Variants in TOP2A observed in about 807,000 individuals in gnomAD.
TOP2A encodes DNA topoisomerase 2-alpha.
In TOP2A, 68 loss-of-function variants were observed where a neutral mutation model predicts 187.2. The observed-to-expected ratio is 0.36, with a 90% CI of 0.30 to 0.44. The LOEUF (loss-of-function observed/expected upper bound fraction) is 0.44, where lower values mean the gene tolerates loss of function less well. Among genes scored for constraint, TOP2A ranks in the 20% least tolerant of loss-of-function variants. The pLI is 1.00. For missense variants in TOP2A, 1,196 were observed against 1,808.7 expected, an observed-to-expected ratio of 0.66 and a Z score of 6.14; for synonymous variants, 542 against 593.2, an observed-to-expected ratio of 0.91 and a Z score of 1.25.
At chr17:40,417,289 T>A (rs2035403126) in intron 1 of TOP2A, among the ~76,000 whole-genome samples, 1 of 152,152 alleles carries the variant, frequency 6.6e-6, no homozygotes, top group Non-Finnish European at 1.5e-5. Context: ...AGCAGCAGTT[T>A]GGGCGGCTAT....
At chr17:40,399,180 G>A (rs1349552965) in intron 24 of TOP2A, 49 bp from the exon 25 acceptor site, 2 of 1,304,974 alleles carry the variant, frequency 1.5e-6, no homozygotes, top group African/African-American at 1.5e-5. Flanking sequence ...TAATATTTTA[G>A]GAAGGGGATA....
intron 30 of TOP2A, 52 bp downstream of exon 30, chr17:40,392,533 T>A: frequency 6.4e-7 from 1 of 1,562,174 alleles, no homozygotes; most frequent in Non-Finnish European, 8.7e-7. Flanking sequence ...CTGAAGTATA[T>A]TGGCCATTCC....
At position 40,416,409 on chromosome 17, in the gene TOP2A, A is replaced by C. The variant is rs2035391248; in HGVS notation, c.268+13T>G. On this transcript the variant is annotated intron_variant, in intron 3 of 34. Coordinates refer to ENST00000423485, the MANE Select transcript of TOP2A (RefSeq NM_001067.4). ...AGATTTGACCAGATCTTTATATTAAAGGATTTACTCACCTAGAATCTCATC... is the reference window on the plus strand; with the variant it reads ...AGATTTGACCAGATCTTTATATTAACGGATTTACTCACCTAGAATCTCATC... 1 of 1,499,918 alleles carries C rather than the reference A, an allele frequency of 6.7e-7. No individual in the cohort carries two copies. Among genetic ancestry groups the C allele is most frequent in the East Asian group, 2.3e-5 (1 of 43,216 alleles). 92.9% of individuals were successfully genotyped at this position (1,499,918 alleles called of 1,614,324 possible). A position where few individuals can be genotyped will look rare whatever the true frequency, so the allele number is the denominator to read the frequency against.
chr17:40,394,435 C>G (rs921299090), intron 29 of TOP2A, among the ~76,000 whole-genome samples: 12 of 152,134 alleles, frequency 7.9e-5, no homozygotes, highest in African/African-American at 2.9e-4. Context: ...TGGGTTCAAG[C>G]GACACTCGTG....
intron 20 of TOP2A, among the ~76,000 whole-genome samples, 174 bp downstream of exon 20, chr17:40,402,732 T>C (rs1359877682): frequency 6.6e-6 from 1 of 152,226 alleles, no homozygotes; most frequent in Non-Finnish European, 1.5e-5. Flanking sequence ...AATTGACATG[T>C]TGCACTGGAT....
At chr17:40,395,140 A>T (rs1404742731) in intron 29 of TOP2A, among the ~76,000 whole-genome samples, 1 of 152,018 alleles carries the variant, frequency 6.6e-6, no homozygotes, top group Non-Finnish European at 1.5e-5. Context: ...AAAAGCAGCC[A>T]GGCGTGGTGG....
intron 20 of TOP2A, among the ~76,000 whole-genome samples, chr17:40,401,665 C>T (rs1370111305): frequency 3.9e-5 from 6 of 151,948 alleles, no homozygotes; most frequent in African/African-American, 9.7e-5. Context: ...GCCGAAATTG[C>T]GCCACTGCAC....
chr17:40,413,731 G>T, intron 4 of TOP2A, 106 bp from the exon 5 acceptor site: 1 of 578,536 alleles, frequency 1.7e-6, no homozygotes, highest in Non-Finnish European at 2.7e-6. Context: ...TATTCAGGCT[G>T]GGCGCGGTGG....
chr17:40,415,548 A>G (rs967204991), intron 4 of TOP2A, among the ~76,000 whole-genome samples: 2 of 152,244 alleles, frequency 1.3e-5, no homozygotes, highest in African/African-American at 4.8e-5. Context: ...CTGTTTGAAT[A>G]GCATCATGAG....
At chr17:40,408,424 G>T in intron 11 of TOP2A, 68 bp downstream of exon 11, 1 of 1,427,630 alleles carries the variant, frequency 7.0e-7, no homozygotes, top group Non-Finnish European at 9.5e-7. Context: ...AATATCCGTG[G>T]TATGCCATTA....
At chr17:40,391,979 A>T in intron 32 of TOP2A, 89 bp downstream of exon 32, 1 of 1,363,942 alleles carries the variant, frequency 7.3e-7, no homozygotes, top group Non-Finnish European at 1.0e-6. Context: ...CAAAGGAAGT[A>T]CTTGGATAAT....
At chr17:40,416,276 G>A (rs2143695530) in intron 3 of TOP2A, 146 bp downstream of exon 3, 1 of 711,482 alleles carries the variant, frequency 1.4e-6, no homozygotes. Context: ...TTTATCAACT[G>A]ATTGAAATGA....
In TOP2A at chr17:40,395,509, C is replaced by G. The variant is rs746880959; in HGVS notation, c.3751G>C (p.Asp1251His). 7 of 1,612,002 alleles carry G rather than the reference C, an allele frequency of 4.3e-6. No individual in the cohort carries two copies. The highest frequency in any genetic ancestry group is 5.1e-6 in the Non-Finnish European group (6 of 1,178,800). The change falls in exon 29 of 35, where the codon GAT becomes CAT. Residue 1251 changes from aspartate to histidine, a missense_variant. Asp to His is a moderately conservative substitution (Grantham distance 81, BLOSUM62 -1). This residue lies in a region of TOP2A where 374 missense variants were observed against 403.3 expected (regional missense o/e 0.93). Coordinates refer to ENST00000423485, the MANE Select transcript of TOP2A (RefSeq NM_001067.4). ...TTTAGGCCTTCTAGTTCCACACCAT[C>G]TTCTTGAGGGCTTCCTTCAGTATTT... is the stretch of plus-strand genomic sequence containing the variant. Reference protein sequence around the residue: ...NENTEGSPQEDGVELEGLKQR... With the variant: ...NENTEGSPQEHGVELEGLKQR...
Position 40,404,632 on chromosome 17 carries a change from TTA to T in TOP2A, c.2047-143_2047-142del, listed in dbSNP as rs1018678468. ...AAATATTGAATAATACAGAAATATTTTATATGTTTTAAAGATAAAGCAAATTT... is the reference window on the plus strand; with the variant it reads ...AAATATTGAATAATACAGAAATATTTTATGTTTTAAAGATAAAGCAAATTT... On this transcript the variant is annotated intron_variant, in intron 17 of 34. Coordinates refer to ENST00000423485, the MANE Select transcript of TOP2A (RefSeq NM_001067.4). The T allele has an allele frequency of 1.3e-4, 93 of 714,380 alleles. No homozygotes were observed. The East Asian group carries it at 1.9e-3, about 15-fold the overall frequency. 44.3% of individuals were successfully genotyped at this position (714,380 alleles called of 1,614,324 possible). A position where few individuals can be genotyped will look rare whatever the true frequency, so the allele number is the denominator to read the frequency against.
In TOP2A at chr17:40,389,351, T is replaced by C. The variant is rs756079860; in HGVS notation, c.*168A>G. 3.5e-5 allele frequency: 23 copies of C among 654,454 alleles called. No individual in the cohort carries two copies. The highest frequency in any genetic ancestry group is 4.5e-4 in the Middle Eastern group (1 of 2,238). The allele number at this position is 654,454 out of a possible 1,614,324, so 40.5% of individuals were successfully genotyped here. A position where few individuals can be genotyped will look rare whatever the true frequency, so the allele number is the denominator to read the frequency against. On this transcript the variant is annotated 3_prime_UTR_variant, in exon 35 of 35. Transcript: ENST00000423485. ...CATGAGATGGTCACTATTTAGACAG[T>C]ATTATAAAAAGCTAAAGAACACTTG...
In TOP2A at chr17:40,409,736, C is replaced by T. The variant is rs537247007; in HGVS notation, c.1204-1106G>A. 2.7e-3 allele frequency: 534 copies of T among 195,472 alleles called. 2 individuals are homozygous for T. Among genetic ancestry groups the T allele is most frequent in the Non-Finnish European group, 4.5e-3 (433 of 95,546 alleles). The allele number at this position is 195,472 out of a possible 1,614,324, so 12.1% of individuals were successfully genotyped here. On this transcript the variant is annotated intron_variant, in intron 10 of 34. Coordinates refer to ENST00000423485, the MANE Select transcript of TOP2A (RefSeq NM_001067.4). ...CAGAGATTGCAATGAGCCAGGATTA[C>T]GTCACTGCACTGTAGCCTGGGCAAC...
chr17:40,395,670 C>A, intron 28 of TOP2A, 131 bp from the exon 29 acceptor site: 1 of 532,798 alleles, frequency 1.9e-6, no homozygotes. Flanking sequence ...CCGTGGTGGG[C>A]AGATCTCTTG....
At position 40,412,967 on chromosome 17, in the gene TOP2A, C is replaced by T. The variant is rs2035341946; in HGVS notation, c.581G>A (p.Trp194Ter). Reference sequence around the variant, plus strand: ...ACCAGCTCTTCCCATATTATCCATCCATGTCTATGGAAGTAAAGAATAGGA... The same window carrying T: ...ACCAGCTCTTCCCATATTATCCATCTATGTCTATGGAAGTAAAGAATAGGA... ...REYKKMFKQT[W>*]MDNMGRAGEM... The change falls in exon 7 of 35, where the codon TGG becomes TAG. Residue 194 changes from tryptophan (W) to a stop codon, truncating the protein, a stop_gained. Coordinates refer to ENST00000423485, the MANE Select transcript of TOP2A (RefSeq NM_001067.4). LOFTEE classifies it high-confidence loss of function. The T allele has an allele frequency of 6.2e-7, 1 of 1,610,410 alleles. No homozygotes were observed. The highest frequency in any genetic ancestry group is 8.5e-7 in the Non-Finnish European group (1 of 1,177,866).
chr17:40,403,035 A>G lies in TOP2A; in HGVS notation c.2303T>C (p.Ile768Thr). ...HHGEMSLMMT[I>T]INLAQNFVGS... is the part of the protein sequence containing the mutation. ...CACAAAATTCTGAGCCAAATTGATA[A>G]TGGTCATCATTAGTGACATCTGTGG... The change falls in exon 20 of 35, where the codon ATT (isoleucine) becomes ACT (threonine). Residue 768 changes from isoleucine to threonine, a missense_variant. This residue lies in a region of TOP2A where 209 missense variants were observed against 376.9 expected (regional missense o/e 0.55). Coordinates refer to ENST00000423485, the MANE Select transcript of TOP2A (RefSeq NM_001067.4). 1 of 1,600,052 alleles carries G rather than the reference A, an allele frequency of 6.2e-7. No individual in the cohort carries two copies. Among genetic ancestry groups the G allele is most frequent in the Non-Finnish European group, 8.5e-7 (1 of 1,172,442 alleles).
Sources: allele counts gnomAD v4.1 joint callset (sites outside exome capture counted in the v4.1 genomes callset), GRCh38; gene constraint gnomAD v4.1.1; regional missense constraint gnomAD v4.1.1; transcripts MANE v1.5; gene names NCBI Gene and HGNC (gene_info 2026-07-23, HGNC 2026-07-21).